NLRP5: variants seen among roughly 807,000 people sequenced by gnomAD.
The protein encoded by NLRP5 is NLR family pyrin domain containing 5, also known as NACHT, LRR and PYD domains-containing protein 5.
NLRP5 carries 93 observed loss-of-function variants against 113.1 expected under a neutral mutation model. The observed-to-expected ratio is 0.82, with a 90% CI of 0.70 to 0.98. The LOEUF (loss-of-function observed/expected upper bound fraction) is 0.98, where lower values mean the gene tolerates loss of function less well. Among genes scored for constraint, NLRP5 ranks in the 50% least tolerant of loss-of-function variants. NLRP5 has a pLI of 0.00. For missense variants in NLRP5, 1,808 were observed against 1,514.3 expected (o/e 1.19, Z -3.22); for synonymous variants, 751 against 600.7 (o/e 1.25, Z -3.66).
At chr19:56,030,648 A>G (rs1983061584) in intron 7 of NLRP5, among the ~76,000 whole-genome samples, 1 of 151,690 alleles carries the variant, frequency 6.6e-6, no homozygotes, top group African/African-American at 2.4e-5. Context: ...ACATATCATA[A>G]AAAGTCAAAG....
At position 56,053,795 on chromosome 19, in the gene NLRP5, C is replaced by G; in HGVS notation, c.3286C>G (p.Leu1096Val). Residue 1096 changes from leucine (L) to valine (V), a missense_variant, in exon 13 of 15, where the codon CTG becomes GTG. By Grantham distance (32) the Leu-to-Val change is conservative. Transcript: ENST00000390649. ...GGGACTGAAGCAAAAGAACAGTGTT[C>G]TGGCGAGACTCGGGTAACTTCCTGG... The G allele has an allele frequency of 1.9e-6, 3 of 1,613,608 alleles. No homozygotes were observed. The highest frequency in any genetic ancestry group is 2.5e-6 in the Non-Finnish European group (3 of 1,179,672).
Position 56,032,641 on chromosome 19 carries a change from G to A in NLRP5, c.2307G>A (p.Gln769=). ...GGGATAAGACCCTCATTGAGGAGCA[G>A]TGGGAAGATTTCTGCTCCATGCTTG... is the stretch of plus-strand genomic sequence containing the variant. Residue 769 remains glutamine (Q), a synonymous_variant, in exon 8 of 15, where the codon CAG becomes CAA. Coordinates refer to ENST00000390649, the MANE Select transcript of NLRP5 (RefSeq NM_153447.4). 6.2e-7 allele frequency: 1 copy of A among 1,613,782 alleles called. No individual in the cohort carries two copies. The highest frequency in any genetic ancestry group is 8.5e-7 in the Non-Finnish European group (1 of 1,179,814).
chr19:56,025,333 C>T (rs577057152), intron 6 of NLRP5, among the ~76,000 whole-genome samples: 14 of 151,946 alleles, frequency 9.2e-5, no homozygotes, highest in Non-Finnish European at 7.4e-5. Context: ...ACTGCTCTAC[C>T]GTAGAGCTTG....
upstream of NLRP5, among the ~76,000 whole-genome samples, chr19:55,998,190 A>T (rs1299318741): frequency 6.6e-6 from 1 of 152,078 alleles, no homozygotes; most frequent in Non-Finnish European, 1.5e-5. Context: ...CAGACATTCT[A>T]AAATTATAAA....
At chr19:56,008,389 T>C (rs1982033493) in intron 2 of NLRP5, among the ~76,000 whole-genome samples, 1 of 152,118 alleles carries the variant, frequency 6.6e-6, no homozygotes, top group South Asian at 2.1e-4. Context: ...TAGTCAATCT[T>C]GGACCTTGTA....
intron 1 of NLRP5, chr19:55,999,843 T>A (rs1345490874): frequency 1.5e-6 from 2 of 1,324,544 alleles, no homozygotes; most frequent in East Asian, 2.3e-5. Context: ...CTTGGTACCA[T>A]GACACACGGA....
At chr19:55,996,766 T>C (rs1357972733), upstream of NLRP5, among the ~76,000 whole-genome samples, 1 of 152,208 alleles carries the variant, frequency 6.6e-6, no homozygotes, top group African/African-American at 2.4e-5. Context: ...TCCAAGTCTT[T>C]GCTATTGTGA....
At chr19:55,990,749 C>T in the NLRP5 span, among the ~76,000 whole-genome samples, 356 of 152,180 alleles carry the variant, frequency 2.3e-3, 1 homozygote, top group African/African-American at 8.1e-3. Context: ...GGCAGGAACC[C>T]GGGAGGCGGA....
intron 3 of NLRP5, among the ~76,000 whole-genome samples, chr19:56,012,599 G>A (rs531989903): frequency 2.7e-5 from 4 of 149,044 alleles, no homozygotes; most frequent in South Asian, 2.1e-4. Flanking sequence ...AAATCCTTCA[G>A]CAGAGACAAC....
At position 56,054,699 on chromosome 19, in the gene NLRP5, C is replaced by G. The variant is rs190555765; in HGVS notation, c.3299+891C>G. Among the ~76,000 whole-genome samples the G allele has an allele frequency of 1.0e-3, 155 of 151,776 alleles. 3 individuals are homozygous for G. The Middle Eastern group carries it at 0.034, about 34-fold the overall frequency. On this transcript the variant is annotated intron_variant, in intron 13 of 14. Coordinates refer to ENST00000390649, the MANE Select transcript of NLRP5 (RefSeq NM_153447.4). ...TTCCATTTGTATAAAATACCCAAAA[C>G]AGTCAAGTTCGTACATAAAGTAGAG...
At chr19:55,998,218 G>A (rs1981399978), upstream of NLRP5, among the ~76,000 whole-genome samples, 1 of 152,074 alleles carries the variant, frequency 6.6e-6, no homozygotes, top group Admixed American at 6.6e-5. Context: ...GAAACCAGGT[G>A]TGGGGTGTGC....
intron 4 of NLRP5, among the ~76,000 whole-genome samples, chr19:56,017,294 CTTTA>C: frequency 6.6e-6 from 1 of 150,978 alleles, no homozygotes; most frequent in East Asian, 1.9e-4. Context: ...TTGTTTATTT[CTTTA>C]TTCCCTTTCT....
At chr19:56,011,846 C>T (rs1427978994) in intron 3 of NLRP5, among the ~76,000 whole-genome samples, 2 of 151,864 alleles carry the variant, frequency 1.3e-5, no homozygotes, top group Non-Finnish European at 2.9e-5. Flanking sequence ...CGCGCGCCAC[C>T]GTGCCTGGCT....
At chr19:56,033,847 G>A in intron 9 of NLRP5, 138 bp downstream of exon 9, 1 of 704,942 alleles carries the variant, frequency 1.4e-6, no homozygotes, top group Non-Finnish European at 2.5e-6. Flanking sequence ...GATTGCAGGA[G>A]TTGAGTGCCA....
At chr19:56,018,811 A>G (rs1165327090) in intron 4 of NLRP5, 1 of 153,774 alleles carries the variant, frequency 6.5e-6, no homozygotes, top group East Asian at 1.9e-4. Flanking sequence ...TTTGCCCCTC[A>G]TTTAATTTTT....
intron 2 of NLRP5, among the ~76,000 whole-genome samples, chr19:56,005,337 A>C (rs1236279793): frequency 7.2e-6 from 1 of 138,138 alleles, no homozygotes; most frequent in Admixed American, 7.5e-5. Flanking sequence ...TTATATATAC[A>C]CATACACATA....
At chr19:55,997,578 T>A (rs1981363577), upstream of NLRP5, among the ~76,000 whole-genome samples, 1 of 152,158 alleles carries the variant, frequency 6.6e-6, no homozygotes, top group East Asian at 1.9e-4. Context: ...ATACCTGTAA[T>A]CCCAGCACTC....
intron 2 of NLRP5, among the ~76,000 whole-genome samples, chr19:56,005,272 CATATACACATATATTTTTAT>C (rs1568481609): frequency 1.4e-5 from 2 of 146,386 alleles, no homozygotes; most frequent in African/African-American, 5.0e-5. Flanking sequence ...TACACATACA[CATATACACATATATTTTTAT>C]ATATACACAT....
chr19:56,002,146 T>A (rs1981678994), intron 1 of NLRP5, among the ~76,000 whole-genome samples: 1 of 152,200 alleles, frequency 6.6e-6, no homozygotes, highest in South Asian at 2.1e-4. Flanking sequence ...ATAGAATTGG[T>A]CCTGATGGTG....
Sources: gnomAD v4.1 joint callset for allele counts (sites outside exome capture counted in the v4.1 genomes callset) on GRCh38, gnomAD v4.1.1 for gene constraint, MANE v1.5 for transcripts, NCBI Gene and HGNC (gene_info 2026-07-23, HGNC 2026-07-21) for gene names.